Variants in MTSS1 observed in about 807,000 individuals in gnomAD.
The protein encoded by MTSS1 is protein MTSS 1.
In MTSS1, 18 loss-of-function variants were observed where a neutral mutation model predicts 79.0. The ratio of observed to expected loss-of-function variants is 0.23; its 90% CI spans 0.16 to 0.34. MTSS1 has a LOEUF of 0.34. Among genes scored for constraint, MTSS1 ranks in the 10% least tolerant of loss-of-function variants. MTSS1 has a pLI of 1.00. For synonymous variants in MTSS1, 341 were observed against 368.6 expected (o/e 0.93, Z 0.86); for missense variants, 815 against 986.2 (o/e 0.83, Z 2.33).
intron 3 of MTSS1, among the ~76,000 whole-genome samples, chr8:124,642,735 G>A (rs1269957029): frequency 6.6e-6 from 1 of 152,120 alleles, no homozygotes; most frequent in African/African-American, 2.4e-5. Flanking sequence ...TGAGATTACA[G>A]GTGCATGCCA....
intron 3 of MTSS1, among the ~76,000 whole-genome samples, chr8:124,610,748 C>G (rs756601104): frequency 3.9e-5 from 6 of 152,078 alleles, no homozygotes; most frequent in Non-Finnish European, 8.8e-5. Flanking sequence ...AACAGAGGTA[C>G]AAGAAGGGAG....
chr8:124,648,309 C>T lies in MTSS1; in HGVS notation c.208+51217G>A, dbSNP rs148566771. Among the ~76,000 whole-genome samples, 612 of 152,160 alleles carry T rather than the reference C, an allele frequency of 4.0e-3. 3 individuals are homozygous for T. Among genetic ancestry groups the T allele is most frequent in the African/African-American group, 0.014 (566 of 41,508 alleles). ...ATTTTTTTTTTTAAGTATTTCAACA[C>T]ACCAACAATGGACTCTTTGGGTGCA... On this transcript the variant is annotated intron_variant, in intron 3 of 13. Coordinates refer to ENST00000518547, the MANE Select transcript of MTSS1 (RefSeq NM_014751.6).
intron 6 of MTSS1, chr8:124,568,877 C>G (rs552005813): frequency 1.8e-5 from 26 of 1,420,508 alleles, no homozygotes; most frequent in Non-Finnish European, 2.4e-5. Flanking sequence ...TCTTTCCTTG[C>G]AGAACATTCT....
rs904594625 is a variant in MTSS1 at position 124,577,675 on chromosome 8, C to T, written c.460+7412G>A. On this transcript the variant is annotated intron_variant, in intron 6 of 13. Coordinates refer to ENST00000518547, the MANE Select transcript of MTSS1 (RefSeq NM_014751.6). Reference sequence around the variant, plus strand: ...GACAGAAGGGGTCTGGCTGTGCCTACATTCTGTATTTCCTCATCAGCCTTC... The same window carrying T: ...GACAGAAGGGGTCTGGCTGTGCCTATATTCTGTATTTCCTCATCAGCCTTC... The T allele has an allele frequency of 3.5e-5, 18 of 514,624 alleles. No individual in the cohort carries two copies. The Middle Eastern group carries it at 9.7e-4, about 28-fold the overall frequency. 31.9% of individuals were successfully genotyped at this position (514,624 alleles called of 1,614,324 possible). A position where few individuals can be genotyped will look rare whatever the true frequency, so the allele number is the denominator to read the frequency against.
chr8:124,642,392 G>A (rs1818221403), intron 3 of MTSS1, among the ~76,000 whole-genome samples: 1 of 152,142 alleles, frequency 6.6e-6, no homozygotes, highest in South Asian at 2.1e-4. Flanking sequence ...TCAACAGAAG[G>A]AGCCCAAAGT....
At chr8:124,687,119 T>G (rs1252565358) in intron 3 of MTSS1, among the ~76,000 whole-genome samples, 1 of 152,178 alleles carries the variant, frequency 6.6e-6, no homozygotes, top group African/African-American at 2.4e-5. Context: ...CGGCACTCGC[T>G]TTATCCAAAA....
intron 2 of MTSS1, among the ~76,000 whole-genome samples, chr8:124,702,242 G>A (rs1393255252): frequency 3.9e-5 from 6 of 152,204 alleles, no homozygotes; most frequent in Non-Finnish European, 8.8e-5. Context: ...ATTACTATAG[G>A]AGGAGACCTC....
At chr8:124,678,440 A>G (rs1825650703) in intron 3 of MTSS1, among the ~76,000 whole-genome samples, 1 of 152,210 alleles carries the variant, frequency 6.6e-6, no homozygotes, top group Non-Finnish European at 1.5e-5. Flanking sequence ...AAAGAAAAAG[A>G]GATTTAATGG....
intron 10 of MTSS1, among the ~76,000 whole-genome samples, chr8:124,562,561 G>A (rs1825569254): frequency 6.6e-6 from 1 of 152,284 alleles, no homozygotes; most frequent in South Asian, 2.1e-4. Context: ...AATCGATGTG[G>A]TAATGCAACC....
intron 6 of MTSS1, among the ~76,000 whole-genome samples, chr8:124,583,832 C>T (rs974475514): frequency 2.0e-5 from 3 of 152,238 alleles, no homozygotes; most frequent in Admixed American, 2.0e-4. Flanking sequence ...AGTAATTTTA[C>T]TTATAAATGC....
At position 124,556,333 on chromosome 8, in the gene MTSS1, G is replaced by T. The variant is rs779624283; in HGVS notation, c.1303C>A (p.Pro435Thr). 1.2e-6 allele frequency: 2 copies of T among 1,614,218 alleles called. No individual in the cohort carries two copies. The highest frequency in any genetic ancestry group is 4.5e-5 in the East Asian group (2 of 44,876). Residue 435 changes from proline (P) to threonine (T), a missense_variant, in exon 12 of 14, where the codon CCG (proline) becomes ACG (threonine). Transcript: ENST00000518547. ...GTGGGTCCTCCCCCGTTGGGGTCCG[G>T]TTCTCGCTTCTCTTTGCGGCGCTGC... ...TLQRRKEKRE[P>T]DPNGGGPTTA...
intron 12 of MTSS1, 25 bp from the exon 13 acceptor site, chr8:124,555,929 A>G (rs1417390923): frequency 1.3e-6 from 2 of 1,580,134 alleles, no homozygotes; most frequent in Non-Finnish European, 8.6e-7. Context: ...AGAGAAATAC[A>G]CAGGTTGCTT....
Position 124,671,634 on chromosome 8 carries a change from G to T in MTSS1, c.208+27892C>A, listed in dbSNP as rs565670295. 1.9e-4 allele frequency among the ~76,000 whole-genome samples: 29 copies of T among 152,298 alleles called. No homozygotes were observed. In the South Asian group the frequency reaches 4.6e-3, roughly 24 times the overall value. ...ACTGGGTGGCTCAAACATTGGAGAA[G>T]GATTCATGGCAACAGCAAATTAGTT... On this transcript the variant is annotated intron_variant, in intron 3 of 13. Coordinates refer to ENST00000518547, the MANE Select transcript of MTSS1 (RefSeq NM_014751.6).
intron 3 of MTSS1, among the ~76,000 whole-genome samples, chr8:124,611,109 C>A (rs537372922): frequency 2.1e-5 from 3 of 144,814 alleles, no homozygotes; most frequent in South Asian, 2.3e-4. Flanking sequence ...CAGACAGACC[C>A]CCCCCCCCCA....
intron 1 of MTSS1, among the ~76,000 whole-genome samples, chr8:124,711,579 A>G (rs72714778): frequency 0.02 from 2,993 of 152,316 alleles, 45 homozygotes; most frequent in Non-Finnish European, 0.032. Flanking sequence ...TGTGGGTCCT[A>G]TAAGAGCCCA....
intron 3 of MTSS1, among the ~76,000 whole-genome samples, chr8:124,641,636 A>G (rs1818074050): frequency 6.6e-6 from 1 of 152,200 alleles, no homozygotes; most frequent in Non-Finnish European, 1.5e-5. Context: ...TGATGGCTGG[A>G]CAGAAAGACG....
chr8:124,643,106 A>G (rs1004417417), intron 3 of MTSS1, among the ~76,000 whole-genome samples: 51 of 152,328 alleles, frequency 3.3e-4, no homozygotes, highest in African/African-American at 1.2e-3. Context: ...TTTGGCAGAG[A>G]GAAAAAAATT....
At chr8:124,602,630 G>A (rs1198843841) in intron 3 of MTSS1, among the ~76,000 whole-genome samples, 4 of 152,220 alleles carry the variant, frequency 2.6e-5, no homozygotes, top group Non-Finnish European at 5.9e-5. Flanking sequence ...CTAGTAGGTG[G>A]ACAACTATAA....
chr8:124,717,857 G>A (rs1034231114), intron 1 of MTSS1, among the ~76,000 whole-genome samples: 3 of 152,200 alleles, frequency 2.0e-5, no homozygotes, highest in Admixed American at 1.3e-4. Context: ...GCAGGGATTT[G>A]TGTCCATTGT....
Sources: allele counts gnomAD v4.1 joint callset (sites outside exome capture counted in the v4.1 genomes callset), GRCh38; gene constraint gnomAD v4.1.1; transcripts MANE v1.5; gene names NCBI Gene and HGNC (gene_info 2026-07-23, HGNC 2026-07-21).